The following EFL1 variants were observed in gnomAD, a reference collection of about 807,000 sequenced individuals.
The protein encoded by EFL1 is elongation factor-like GTPase 1.
In EFL1, 76 loss-of-function variants were observed where a neutral mutation model predicts 126.7. The ratio of observed to expected loss-of-function variants is 0.60; its 90% CI spans 0.50 to 0.73. The LOEUF is 0.73. Among genes scored for constraint, EFL1 ranks in the 30% least tolerant of loss-of-function variants. The pLI, the probability that EFL1 is intolerant of heterozygous loss-of-function variation, is 0.00. For missense variants in EFL1, 1,128 were observed against 1,343.2 expected (o/e 0.84, Z 2.50); for synonymous variants, 410 against 448.4 (o/e 0.91, Z 1.08).
intron 8 of EFL1, among the ~76,000 whole-genome samples, chr15:82,229,798 T>C (rs2074802216): frequency 6.6e-6 from 1 of 152,220 alleles, no homozygotes; most frequent in Non-Finnish European, 1.5e-5. Context: ...GAAAAAACTA[T>C]GTCCAATCTT....
intron 3 of EFL1, among the ~76,000 whole-genome samples, chr15:82,253,537 AG>A: frequency 6.6e-6 from 1 of 152,176 alleles, no homozygotes; most frequent in East Asian, 1.9e-4. Flanking sequence ...ACTTACGGAC[AG>A]TAGCATTTGA....
intron 15 of EFL1, among the ~76,000 whole-genome samples, chr15:82,210,016 T>C (rs553551633): frequency 4.0e-4 from 61 of 152,374 alleles, no homozygotes; most frequent in Middle Eastern, 3.4e-3. Context: ...ACCGATCATA[T>C]TGGTCTCCAC....
intron 8 of EFL1, among the ~76,000 whole-genome samples, chr15:82,230,627 G>A (rs527422961): frequency 6.6e-6 from 1 of 152,094 alleles, no homozygotes; most frequent in Admixed American, 6.5e-5. Context: ...GAAAAGAAAA[G>A]GCAGTTCTTT....
chr15:82,185,711 A>G (rs568624288), intron 15 of EFL1, among the ~76,000 whole-genome samples: 32 of 152,304 alleles, frequency 2.1e-4, no homozygotes, highest in Non-Finnish European at 3.8e-4. Context: ...GGTAGTGTTC[A>G]ACCTCTTTAA....
chr15:82,213,300 A>G (rs979647065), intron 15 of EFL1, among the ~76,000 whole-genome samples: 1 of 152,208 alleles, frequency 6.6e-6, no homozygotes, highest in East Asian at 1.9e-4. Context: ...TTAAAAGGTC[A>G]GTAAAAGACA....
chr15:82,148,146 G>A (rs1411405062), intron 18 of EFL1, among the ~76,000 whole-genome samples: 3 of 152,162 alleles, frequency 2.0e-5, no homozygotes, highest in Non-Finnish European at 4.4e-5. Flanking sequence ...TTGGGAGGCT[G>A]AGGCGGATGG....
At chr15:82,154,966 T>C (rs1238949585) in intron 17 of EFL1, among the ~76,000 whole-genome samples, 1 of 152,170 alleles carries the variant, frequency 6.6e-6, no homozygotes, top group Non-Finnish European at 1.5e-5. Context: ...CTTGCTATGT[T>C]ACCCAACCTG....
chr15:82,219,180 T>C (rs910026178), intron 14 of EFL1, among the ~76,000 whole-genome samples: 3 of 152,248 alleles, frequency 2.0e-5, no homozygotes, highest in African/African-American at 7.2e-5. Flanking sequence ...TCAGGCATTT[T>C]TAGATGCTGC....
chr15:82,165,140 C>G (rs1032487843), intron 15 of EFL1, among the ~76,000 whole-genome samples: 6 of 151,982 alleles, frequency 3.9e-5, no homozygotes, highest in African/African-American at 1.5e-4. Flanking sequence ...TGGTGCACAC[C>G]TGTCTATAGT....
chr15:82,262,645 T>C lies in EFL1; in HGVS notation c.-51A>G. 6.3e-6 allele frequency: 3 copies of C among 474,058 alleles called. No homozygotes were observed. In the South Asian group the frequency reaches 7.5e-5, roughly 12 times the overall value. 29.4% of individuals were successfully genotyped at this position (474,058 alleles called of 1,614,324 possible). ...CAGCAGCCCCACCAGCCCCGCTCCT[T>C]CTCTCGGGTCGCACCCACACCGAGA... On this transcript the variant is annotated 5_prime_UTR_variant, in exon 1 of 20. Transcript: ENST00000268206.
intron 18 of EFL1, among the ~76,000 whole-genome samples, chr15:82,148,144 C>G (rs915650265): frequency 6.6e-6 from 1 of 152,042 alleles, no homozygotes; most frequent in Non-Finnish European, 1.5e-5. Context: ...CTTTGGGAGG[C>G]TGAGGCGGAT....
At chr15:82,142,218 G>C (rs974151844) in intron 18 of EFL1, among the ~76,000 whole-genome samples, 1 of 152,174 alleles carries the variant, frequency 6.6e-6, no homozygotes, top group African/African-American at 2.4e-5. Flanking sequence ...ATAAAGATCA[G>C]AGTTGGTTGA....
intron 15 of EFL1, among the ~76,000 whole-genome samples, chr15:82,191,885 T>G (rs2074363738): frequency 6.6e-6 from 1 of 152,146 alleles, no homozygotes; most frequent in African/African-American, 2.4e-5. Context: ...TGTAACTAAT[T>G]AGCGATAAAA....
chr15:82,219,994 A>C (rs898517810), intron 13 of EFL1, 84 bp downstream of exon 13: 9 of 1,511,192 alleles, frequency 6.0e-6, no homozygotes, highest in African/African-American at 1.4e-5. Context: ...AAAGCTTAAA[A>C]ATCTCAAGAA....
At chr15:82,240,973 C>T (rs1043112676) in intron 5 of EFL1, among the ~76,000 whole-genome samples, 23 of 152,138 alleles carry the variant, frequency 1.5e-4, no homozygotes, top group African/African-American at 5.6e-4. Context: ...TCACTTGAAC[C>T]CAGGAGGCGG....
At chr15:82,256,794 A>C (rs1193533437) in intron 3 of EFL1, among the ~76,000 whole-genome samples, 1 of 152,216 alleles carries the variant, frequency 6.6e-6, no homozygotes, top group Non-Finnish European at 1.5e-5. Flanking sequence ...TGTTAAACCA[A>C]TCTTGAATTC....
intron 18 of EFL1, among the ~76,000 whole-genome samples, chr15:82,144,200 G>A (rs1315791958): frequency 2.6e-5 from 4 of 151,160 alleles, no homozygotes; most frequent in Non-Finnish European, 4.4e-5. Flanking sequence ...CTGTGGCAGT[G>A]AGTCATGTTT....
intron 15 of EFL1, among the ~76,000 whole-genome samples, chr15:82,166,602 A>G (rs1020868181): frequency 2.0e-5 from 3 of 152,256 alleles, no homozygotes; most frequent in Admixed American, 2.0e-4. Context: ...GCTATCAATT[A>G]TTAAATGCAC....
chr15:82,258,891 TAAAGCAATAC>T (rs2075088926), intron 3 of EFL1, among the ~76,000 whole-genome samples, 187 bp downstream of exon 3: 2 of 152,244 alleles, frequency 1.3e-5, no homozygotes, highest in Non-Finnish European at 2.9e-5. Context: ...GCACTTAGGA[TAAAGCAATAC>T]AAAGCAATAC....
Sources: allele counts gnomAD v4.1 joint callset (sites outside exome capture counted in the v4.1 genomes callset), GRCh38; gene constraint gnomAD v4.1.1; transcripts MANE v1.5; gene names NCBI Gene and HGNC (gene_info 2026-07-23, HGNC 2026-07-21).